Variants in PCSK5 observed in about 807,000 individuals in gnomAD.
The protein encoded by PCSK5 is proprotein convertase subtilisin/kexin type 5.
PCSK5 carries 129 observed loss-of-function variants against 233.2 expected under a neutral mutation model. That is an observed-to-expected ratio of 0.55 (90% CI 0.48 to 0.64). The LOEUF is 0.64. Ranked by LOEUF, PCSK5 falls within the 30% of genes least tolerant of loss-of-function variation. The pLI is 0.00. For synonymous variants in PCSK5, 825 were observed against 879.2 expected (o/e 0.94, Z 1.09); for missense variants, 2,076 against 2,430.1 (o/e 0.85, Z 3.06).
intron 35 of PCSK5, among the ~76,000 whole-genome samples, chr9:76,345,911 G>A (rs1251378999): frequency 6.6e-6 from 1 of 151,954 alleles, no homozygotes; most frequent in African/African-American, 2.4e-5. Flanking sequence ...GTAGAGACAC[G>A]GTTTCACCAT....
chr9:76,229,396 G>A (rs1474898311), intron 21 of PCSK5, among the ~76,000 whole-genome samples: 1 of 152,146 alleles, frequency 6.6e-6, no homozygotes, highest in Non-Finnish European at 1.5e-5. Flanking sequence ...TAAAAACCTG[G>A]AGAAAGCAAG....
chr9:76,058,939 G>C (rs921011684), intron 5 of PCSK5, among the ~76,000 whole-genome samples: 2 of 152,182 alleles, frequency 1.3e-5, no homozygotes, highest in East Asian at 3.9e-4. Flanking sequence ...GAGCCCAGGA[G>C]TTTGAGGCCA....
intron 24 of PCSK5, among the ~76,000 whole-genome samples, chr9:76,264,230 G>A (rs1031338180): frequency 1.1e-4 from 16 of 152,280 alleles, no homozygotes; most frequent in African/African-American, 3.6e-4. Context: ...TTTGATAAAT[G>A]GTGCTGGGAT....
At chr9:76,177,752 G>C (rs561550459) in intron 14 of PCSK5, among the ~76,000 whole-genome samples, 1 of 152,200 alleles carries the variant, frequency 6.6e-6, no homozygotes, top group African/African-American at 2.4e-5. Context: ...ATATCTTTGT[G>C]GTTTTTCTGA....
chr9:76,293,813 T>C (rs971788947), intron 25 of PCSK5, among the ~76,000 whole-genome samples: 1 of 152,198 alleles, frequency 6.6e-6, no homozygotes, highest in Non-Finnish European at 1.5e-5. Flanking sequence ...TCACTAAGGG[T>C]ACAACATGAG....
chr9:76,235,354 C>T (rs538537950), intron 22 of PCSK5, among the ~76,000 whole-genome samples: 15 of 152,236 alleles, frequency 9.9e-5, no homozygotes, highest in African/African-American at 3.4e-4. Flanking sequence ...CATCCAAAAT[C>T]ACTTTTACAT....
intron 2 of PCSK5, among the ~76,000 whole-genome samples, chr9:75,943,148 G>C (rs1824399520): frequency 6.6e-6 from 1 of 152,094 alleles, no homozygotes; most frequent in African/African-American, 2.4e-5. Flanking sequence ...GCCTCCCAAA[G>C]TGCTGGGATT....
At chr9:76,017,022 A>G (rs138709577) in intron 3 of PCSK5, among the ~76,000 whole-genome samples, 86 of 152,302 alleles carry the variant, frequency 5.6e-4, no homozygotes, top group African/African-American at 2.0e-3. Context: ...AAATGATCTT[A>G]TGTCAAGACT....
intron 2 of PCSK5, among the ~76,000 whole-genome samples, chr9:75,980,726 A>G (rs1826237206): frequency 6.7e-6 from 1 of 150,182 alleles, no homozygotes; most frequent in Admixed American, 6.7e-5. Context: ...TGTCTAACAA[A>G]TGCTTTTGCT....
Position 76,358,608 on chromosome 9 carries a change from C to T in PCSK5, c.5350C>T (p.Leu1784Phe), listed in dbSNP as rs1434006160. The T allele has an allele frequency of 6.2e-7, 1 of 1,612,656 alleles. No individual in the cohort carries two copies. Among genetic ancestry groups the T allele is most frequent in the Non-Finnish European group, 8.5e-7 (1 of 1,179,884 alleles). Residue 1784 changes from leucine to phenylalanine, a missense_variant, in exon 38 of 38, where the codon CTC becomes TTC. Physicochemically the swap from Leu to Phe is conservative, Grantham distance 22 (BLOSUM62 0). Transcript: ENST00000674117. Reference sequence around the variant, plus strand: ...CTCCTCCATGATGCTGGTGCTTCTGCTCGGGGCAGCTGTGGTAGTGTGGAA... The same window carrying T: ...CTCCTCCATGATGCTGGTGCTTCTGTTCGGGGCAGCTGTGGTAGTGTGGAA... ...ITSSMMLVLL[L>F]GAAVVVWKKS... is the part of the protein sequence containing the mutation.
chr9:76,064,820 G>C (rs987876743), intron 5 of PCSK5, among the ~76,000 whole-genome samples: 1 of 151,934 alleles, frequency 6.6e-6, no homozygotes, highest in Admixed American at 6.6e-5. Context: ...ATGGGCGGCC[G>C]GGCAGAGACG....
rs371220096 is a variant in PCSK5 at position 76,056,306 on chromosome 9, A to G, written c.633-11649A>G. 4.9e-3 allele frequency among the ~76,000 whole-genome samples: 750 copies of G among 152,290 alleles called. 9 individuals carry two copies. The highest frequency in any genetic ancestry group is 0.049 in the South Asian group (235 of 4,824). ...TCTGATTCATTCTGAGCTCTCTCAC[A>G]TCTTGTCTTCCGATCTGGGATGAAA... On this transcript the variant is annotated intron_variant, in intron 5 of 37. Coordinates refer to ENST00000674117, the MANE Select transcript of PCSK5 (RefSeq NM_001372043.1).
intron 5 of PCSK5, among the ~76,000 whole-genome samples, chr9:76,066,878 C>T (rs1212323259): frequency 6.6e-6 from 1 of 152,156 alleles, no homozygotes; most frequent in Non-Finnish European, 1.5e-5. Flanking sequence ...GTTTTGCTAA[C>T]TGTGCTACTC....
intron 2 of PCSK5, among the ~76,000 whole-genome samples, chr9:75,977,720 C>T (rs1826087689): frequency 1.3e-5 from 2 of 151,712 alleles, no homozygotes; most frequent in Middle Eastern, 3.4e-3. Flanking sequence ...AAGCAATTCT[C>T]CTGCCTCATC....
At chr9:75,895,152 A>G (rs1469260497) in intron 1 of PCSK5, among the ~76,000 whole-genome samples, 1 of 152,172 alleles carries the variant, frequency 6.6e-6, no homozygotes. Flanking sequence ...TTTTACCTAG[A>G]GCCCCCCCAT....
chr9:76,194,599 TG>T (rs890285081), intron 20 of PCSK5: 5 of 328,240 alleles, frequency 1.5e-5, no homozygotes, highest in African/African-American at 4.7e-5. Flanking sequence ...ATCTGTTTTT[TG>T]GGGTTTTTTT....
intron 13 of PCSK5, among the ~76,000 whole-genome samples, chr9:76,172,171 T>A (rs757201754): frequency 6.6e-6 from 1 of 152,222 alleles, no homozygotes; most frequent in Non-Finnish European, 1.5e-5. Context: ...TTATTTATTA[T>A]TACAATACAT....
chr9:76,193,185 C>T (rs1445552486), intron 20 of PCSK5: 6 of 1,547,946 alleles, frequency 3.9e-6, no homozygotes, highest in Non-Finnish European at 5.3e-6. Context: ...GTGTGTACAT[C>T]ATGCTGCTCT....
chr9:76,097,739 G>C (rs554050271), intron 8 of PCSK5, among the ~76,000 whole-genome samples: 1 of 152,214 alleles, frequency 6.6e-6, no homozygotes, highest in Non-Finnish European at 1.5e-5. Context: ...AATGAGGAAG[G>C]CAGTAAAAAG....
Sources: gnomAD v4.1 joint callset for allele counts (sites outside exome capture counted in the v4.1 genomes callset) on GRCh38, gnomAD v4.1.1 for gene constraint, MANE v1.5 for transcripts, NCBI Gene and HGNC (gene_info 2026-07-23, HGNC 2026-07-21) for gene names.